Variants in CHRNA9 observed in about 807,000 individuals in gnomAD.
CHRNA9 encodes neuronal acetylcholine receptor subunit alpha-9.
A neutral mutation model predicts 36.8 loss-of-function variants in CHRNA9; 24 were observed. The observed-to-expected ratio is 0.65, with a 90% confidence interval of 0.47 to 0.92. The LOEUF (loss-of-function observed/expected upper bound fraction) is 0.92, where lower values mean the gene tolerates loss of function less well. Ranked by LOEUF, CHRNA9 falls within the 40% of genes least tolerant of loss-of-function variation. The pLI is 0.00. For synonymous variants in CHRNA9, 231 were observed against 231.8 expected (o/e 1.00, Z 0.03); for missense variants, 610 against 601.2 (o/e 1.01, Z -0.15).
chr4:40,352,073 A>G (rs1712817448), intron 4 of CHRNA9, among the ~76,000 whole-genome samples: 1 of 152,226 alleles, frequency 6.6e-6, no homozygotes, highest in Admixed American at 6.5e-5. Context: ...AAACTCACCT[A>G]TAAATTATTT....
chr4:40,335,377 G>C lies in CHRNA9; in HGVS notation c.-91G>C. On this transcript the variant is annotated 5_prime_UTR_variant, in exon 1 of 5. Coordinates refer to ENST00000310169, the MANE Select transcript of CHRNA9 (RefSeq NM_017581.4). ...CCGCCATAAGGCTGCAGCGGTGTGG[G>C]CTCCTTGTGCCCAGATCCTTTGTAT... 1.0e-6 allele frequency: 1 copy of C among 972,136 alleles called. No homozygotes were observed. The highest frequency in any genetic ancestry group is 1.7e-6 in the Non-Finnish European group (1 of 598,758). 60.2% of individuals were successfully genotyped at this position (972,136 alleles called of 1,614,324 possible).
intron 2 of CHRNA9, among the ~76,000 whole-genome samples, chr4:40,336,320 G>C (rs1577542966): frequency 6.6e-6 from 1 of 152,162 alleles, no homozygotes; most frequent in Admixed American, 6.5e-5. Context: ...CGGGGAAAAC[G>C]GCCAGTGAGT....
chr4:40,350,314 T>C (rs1183060868), intron 4 of CHRNA9, among the ~76,000 whole-genome samples: 1 of 152,138 alleles, frequency 6.6e-6, no homozygotes, highest in Non-Finnish European at 1.5e-5. Flanking sequence ...TAATGAAATA[T>C]CCCTCCAAGG....
chr4:40,354,188 C>A lies in CHRNA9; in HGVS notation c.1108C>A (p.Leu370Ile), dbSNP rs915277618. The change falls in exon 5 of 5, where the codon CTC (leucine) becomes ATC (isoleucine). Residue 370 changes from leucine to isoleucine, a missense_variant. Physicochemically the swap from Leu to Ile is conservative, Grantham distance 5 (BLOSUM62 2). Coordinates refer to ENST00000310169, the MANE Select transcript of CHRNA9 (RefSeq NM_017581.4). ...SPHHSRERDHLTKVYSKLPES... is the reference protein window; with the variant it reads ...SPHHSRERDHITKVYSKLPES... ...GCACCACAGTAGAGAGCGGGACCAC[C>A]TCACGAAAGTTTATAGCAAACTCCC... 2 of 1,614,078 alleles carry A rather than the reference C, an allele frequency of 1.2e-6. No homozygotes were observed. The highest frequency in any genetic ancestry group is 2.7e-5 in the African/African-American group (2 of 74,918).
intron 3 of CHRNA9, among the ~76,000 whole-genome samples, chr4:40,339,904 T>C (rs7665287): frequency 0.77 from 117,429 of 151,742 alleles, 46,344 homozygotes; most frequent in East Asian, 0.95. Flanking sequence ...TGGGCTCAAG[T>C]GATCCACCCA....
intron 3 of CHRNA9, among the ~76,000 whole-genome samples, chr4:40,346,447 A>G (rs1712639973): frequency 1.3e-5 from 2 of 152,314 alleles, no homozygotes; most frequent in Admixed American, 6.5e-5. Context: ...TCCTACAGGG[A>G]TCATGCCCAG....
At position 40,354,772 on chromosome 4, in the gene CHRNA9, C is replaced by T; in HGVS notation, c.*252C>T. ...TATAGCCCACCGTAGTGGTGGGTGA[C>T]TGGCCTCTAGTTTATATAATTATTT... On this transcript the variant is annotated 3_prime_UTR_variant, in exon 5 of 5. Coordinates refer to ENST00000310169, the MANE Select transcript of CHRNA9 (RefSeq NM_017581.4). The T allele has an allele frequency of 2.6e-6, 1 of 379,594 alleles. No homozygotes were observed. Among genetic ancestry groups the T allele is most frequent in the Non-Finnish European group, 4.8e-6 (1 of 210,474 alleles). 23.5% of individuals were successfully genotyped at this position (379,594 alleles called of 1,614,324 possible).
In CHRNA9 at chr4:40,354,888, G is replaced by A. The variant is rs530609255; in HGVS notation, c.*368G>A. 33 of 176,914 alleles carry A rather than the reference G, an allele frequency of 1.9e-4. No individual in the cohort carries two copies. Among genetic ancestry groups the A allele is most frequent in the African/African-American group, 7.1e-4 (30 of 42,166 alleles). The allele number at this position is 176,914 out of a possible 1,614,324, so 11.0% of individuals were successfully genotyped here. A position where few individuals can be genotyped will look rare whatever the true frequency, so the allele number is the denominator to read the frequency against. The stretch of plus-strand genomic sequence containing the variant: ...ACAAAACAAACTCATTTTCCCCTTA[G>A]TTCCCATTAAAATATGCATTTGAAA... On this transcript the variant is annotated 3_prime_UTR_variant, in exon 5 of 5. Transcript: ENST00000310169.
rs145136745 is a variant in CHRNA9, at chr4:40,349,078, G to T, written c.562G>T (p.Ala188Ser). 46 of 1,614,020 alleles carry T rather than the reference G, an allele frequency of 2.9e-5. No individual in the cohort carries two copies. The highest frequency in any genetic ancestry group is 3.6e-5 in the Non-Finnish European group (42 of 1,180,018). ...YNGNQVDIFN[A>S]LDSGDLSDFI... The stretch of plus-strand genomic sequence containing the variant: ...TGGCAATCAGGTGGACATATTCAAC[G>T]CCTTGGACAGCGGAGATCTCTCTGA... The change falls in exon 4 of 5, where the codon GCC (alanine) becomes TCC (serine). Residue 188 changes from alanine to serine, a missense_variant. Transcript: ENST00000310169.
At chr4:40,350,777 AG>A (rs1033542760) in intron 4 of CHRNA9, among the ~76,000 whole-genome samples, 5 of 151,568 alleles carry the variant, frequency 3.3e-5, no homozygotes, top group African/African-American at 1.2e-4. Flanking sequence ...TCTAATAAAA[AG>A]GAGATGTATT....
intron 4 of CHRNA9, among the ~76,000 whole-genome samples, chr4:40,352,442 C>G (rs1188526976): frequency 6.6e-6 from 1 of 152,170 alleles, no homozygotes; most frequent in Non-Finnish European, 1.5e-5. Flanking sequence ...CCAGGCTGGT[C>G]TCCAACTCCT....
intron 1 of CHRNA9, 65 bp downstream of exon 1, chr4:40,335,596 G>A: frequency 4.7e-6 from 6 of 1,278,792 alleles, no homozygotes; most frequent in Non-Finnish European, 6.9e-6. Flanking sequence ...GTGGGAGGTG[G>A]GGCAGGACAG....
chr4:40,335,359 A>G lies in CHRNA9; in HGVS notation c.-109A>G, dbSNP rs1712282276. 2 of 836,442 alleles carry G rather than the reference A, an allele frequency of 2.4e-6. No homozygotes were observed. The highest frequency in any genetic ancestry group is 1.7e-5 in the African/African-American group (1 of 60,228). 51.8% of individuals were successfully genotyped at this position (836,442 alleles called of 1,614,324 possible). On this transcript the variant is annotated 5_prime_UTR_variant, in exon 1 of 5. It adds an upstream start codon to the 5' untranslated region. Transcript: ENST00000310169. ...ATGCAAGCCTGAGCTCTCCCGCCAT[A>G]AGGCTGCAGCGGTGTGGGCTCCTTG... is the stretch of plus-strand genomic sequence containing the variant.
At chr4:40,337,720 A>G in intron 3 of CHRNA9, among the ~76,000 whole-genome samples, 1 of 152,160 alleles carries the variant, frequency 6.6e-6, no homozygotes, top group East Asian at 1.9e-4. Flanking sequence ...GAAGGGGTTG[A>G]CAGCGTGGTT....
At chr4:40,347,033 G>A (rs6818856) in intron 3 of CHRNA9, among the ~76,000 whole-genome samples, 25,737 of 151,980 alleles carry the variant, frequency 0.17, 2,800 homozygotes, top group Non-Finnish European at 0.24. Flanking sequence ...GGCAGGTCTC[G>A]GACTCCTGGC....
intron 3 of CHRNA9, chr4:40,348,284 T>C (rs1222677781): frequency 6.6e-6 from 1 of 152,418 alleles, no homozygotes; most frequent in Non-Finnish European, 1.5e-5. Flanking sequence ...GAAAGAGTAA[T>C]TCCCTAGAGA....
Position 40,352,896 on chromosome 4 carries a change from T to C in CHRNA9, c.899-1083T>C, listed in dbSNP as rs879692485. 7.9e-5 allele frequency among the ~76,000 whole-genome samples: 12 copies of C among 152,348 alleles called. No individual in the cohort carries two copies. The East Asian group carries it at 2.3e-3, about 29-fold the overall frequency. On this transcript the variant is annotated intron_variant, in intron 4 of 4. Coordinates refer to ENST00000310169, the MANE Select transcript of CHRNA9 (RefSeq NM_017581.4). Reference sequence around the variant, plus strand: ...GAACTGGTCAAGTTCATTAATTGTTTGTTCGTTGAGTGTGGAAAAATTTTT... The same window carrying C: ...GAACTGGTCAAGTTCATTAATTGTTCGTTCGTTGAGTGTGGAAAAATTTTT...
chr4:40,345,742 T>C (rs1712620355), intron 3 of CHRNA9, among the ~76,000 whole-genome samples: 2 of 148,850 alleles, frequency 1.3e-5, no homozygotes, highest in South Asian at 2.1e-4. Flanking sequence ...AACAAACAAA[T>C]GGCTGGGCAC....
At chr4:40,342,511 T>C (rs912110528) in intron 3 of CHRNA9, among the ~76,000 whole-genome samples, 3 of 151,974 alleles carry the variant, frequency 2.0e-5, no homozygotes, top group Non-Finnish European at 4.4e-5. Flanking sequence ...GTTAAAGAGA[T>C]AGAAGGAGAA....
Sources: allele counts gnomAD v4.1 joint callset (sites outside exome capture counted in the v4.1 genomes callset), GRCh38; gene constraint gnomAD v4.1.1; transcripts MANE v1.5; gene names NCBI Gene and HGNC (gene_info 2026-07-23, HGNC 2026-07-21).